Variants in PCDH9 observed in about 807,000 individuals in gnomAD.
PCDH9 encodes protocadherin-9.
Under a neutral mutation model 70.6 loss-of-function variants are expected in PCDH9, and 24 were observed. The observed-to-expected ratio is 0.34, with a 90% confidence interval of 0.25 to 0.48. PCDH9 has a LOEUF of 0.48. PCDH9 is among the 20% of genes least tolerant of loss of function. The pLI is 0.99. For synonymous variants in PCDH9, 562 were observed against 558.5 expected, an observed-to-expected ratio of 1.01 and a Z score of -0.09; for missense variants, 1,281 against 1,503.6, an observed-to-expected ratio of 0.85 and a Z score of 2.45.
At chr13:66,349,450 T>C (rs1394698751) in intron 4 of PCDH9, among the ~76,000 whole-genome samples, 2 of 152,184 alleles carry the variant, frequency 1.3e-5, no homozygotes, top group Non-Finnish European at 2.9e-5. Flanking sequence ...CCTCCCACTT[T>C]ATATCGGAGT....
intron 4 of PCDH9, among the ~76,000 whole-genome samples, chr13:66,533,917 T>A (rs1960577262): frequency 6.6e-6 from 1 of 152,146 alleles, no homozygotes; most frequent in South Asian, 2.1e-4. Context: ...ATGAGTTGAC[T>A]TTTTTTGTTC....
intron 4 of PCDH9, among the ~76,000 whole-genome samples, chr13:66,489,434 C>G (rs1468818389): frequency 6.6e-6 from 1 of 152,128 alleles, no homozygotes; most frequent in Non-Finnish European, 1.5e-5. Context: ...CCTCAGCTTC[C>G]TGAGTAGCTG....
intron 4 of PCDH9, among the ~76,000 whole-genome samples, chr13:66,568,145 T>G (rs886659407): frequency 6.6e-6 from 1 of 152,104 alleles, no homozygotes; most frequent in Non-Finnish European, 1.5e-5. Context: ...CTGATAGGGT[T>G]GGTTCTCCTA....
At chr13:67,038,186 GA>G (rs1408220258) in intron 2 of PCDH9, among the ~76,000 whole-genome samples, 1 of 152,138 alleles carries the variant, frequency 6.6e-6, no homozygotes, top group African/African-American at 2.4e-5. Flanking sequence ...ACTAGAGACA[GA>G]AATCACAAAT....
rs190757051 is a variant in PCDH9 at position 66,491,571 on chromosome 13, G to A, written c.3340+139639C>T. 9.2e-4 allele frequency among the ~76,000 whole-genome samples: 140 copies of A among 152,132 alleles called. 2 individuals are homozygous for A. The highest frequency in any genetic ancestry group is 3.2e-3 in the African/African-American group (134 of 41,508). On this transcript the variant is annotated intron_variant, in intron 4 of 4. Transcript: ENST00000377865. ...AAGCTGATTATCTTCTCTTTAGTTCGTATACTTTCCACAAAGTAGCTGGCA... is the reference window on the plus strand; with the variant it reads ...AAGCTGATTATCTTCTCTTTAGTTCATATACTTTCCACAAAGTAGCTGGCA...
chr13:66,424,245 TA>T (rs1327448127), intron 4 of PCDH9, among the ~76,000 whole-genome samples: 5 of 152,148 alleles, frequency 3.3e-5, no homozygotes, highest in Non-Finnish European at 7.4e-5. Context: ...AAAATGGCCA[TA>T]CTGCCCAGAG....
intron 3 of PCDH9, among the ~76,000 whole-genome samples, chr13:66,897,649 A>G (rs1231888462): frequency 6.6e-6 from 1 of 152,162 alleles, no homozygotes; most frequent in African/African-American, 2.4e-5. Context: ...ATACATAGGC[A>G]TTAGACATGA....
chr13:66,758,952 T>C (rs960088511), intron 3 of PCDH9, among the ~76,000 whole-genome samples: 1 of 152,118 alleles, frequency 6.6e-6, no homozygotes, highest in Non-Finnish European at 1.5e-5. Flanking sequence ...TGTGTATTTC[T>C]GTGGCATTAA....
chr13:66,627,005 A>G (rs554291937), intron 4 of PCDH9, among the ~76,000 whole-genome samples: 2 of 150,156 alleles, frequency 1.3e-5, no homozygotes, highest in South Asian at 2.1e-4. Context: ...GCAATAACCT[A>G]TATTAAAGCC....
At chr13:66,618,174 G>C (rs1385331451) in intron 4 of PCDH9, among the ~76,000 whole-genome samples, 1 of 152,090 alleles carries the variant, frequency 6.6e-6, no homozygotes, top group African/African-American at 2.4e-5. Flanking sequence ...ATAAAACCCT[G>C]TCTGACTCAA....
intron 3 of PCDH9, among the ~76,000 whole-genome samples, chr13:66,728,280 T>G (rs1187469745): frequency 6.6e-6 from 1 of 152,160 alleles, no homozygotes; most frequent in Non-Finnish European, 1.5e-5. Flanking sequence ...CTAATAAACT[T>G]CCTTTGTACA....
At chr13:66,962,751 T>G (rs1365638043) in intron 2 of PCDH9, among the ~76,000 whole-genome samples, 5 of 152,176 alleles carry the variant, frequency 3.3e-5, no homozygotes. Flanking sequence ...TCCCTTTTAT[T>G]TATAATGCAT....
chr13:66,949,792 G>T (rs948745442), intron 2 of PCDH9, among the ~76,000 whole-genome samples: 3 of 152,040 alleles, frequency 2.0e-5, no homozygotes, highest in Non-Finnish European at 4.4e-5. Flanking sequence ...GCAGGAGAGA[G>T]AAGACCCTGA....
intron 2 of PCDH9, among the ~76,000 whole-genome samples, chr13:67,197,494 T>C (rs2089098984): frequency 6.6e-6 from 1 of 152,144 alleles, no homozygotes; most frequent in African/African-American, 2.4e-5. Context: ...CCAATAACTT[T>C]TTATTTGGTT....
At chr13:66,427,353 T>C (rs1566317021) in intron 4 of PCDH9, among the ~76,000 whole-genome samples, 1 of 151,796 alleles carries the variant, frequency 6.6e-6, no homozygotes, top group East Asian at 1.9e-4. Context: ...ATTATTTGAC[T>C]TATTAATAGG....
intron 4 of PCDH9, among the ~76,000 whole-genome samples, chr13:66,548,692 G>A (rs927421102): frequency 2.6e-5 from 4 of 151,986 alleles, no homozygotes; most frequent in African/African-American, 7.3e-5. Context: ...ACTTTAAAAG[G>A]CCTACATTTG....
chr13:66,389,744 C>T (rs1306252293), intron 4 of PCDH9, among the ~76,000 whole-genome samples: 1 of 152,122 alleles, frequency 6.6e-6, no homozygotes, highest in Admixed American at 6.6e-5. Context: ...TATTGATCTG[C>T]TTTGGCTTCC....
rs1013044776 is a variant in PCDH9 at position 66,866,610 on chromosome 13, A to T, written c.3138+36894T>A. On this transcript the variant is annotated intron_variant, in intron 3 of 4. Transcript: ENST00000377865. ...TCAGGAGTTCCAGACCAGCCTGGCCACTATGGCGAAACCCCATCTTTACTA... is the reference window on the plus strand; with the variant it reads ...TCAGGAGTTCCAGACCAGCCTGGCCTCTATGGCGAAACCCCATCTTTACTA... 3.3e-5 allele frequency among the ~76,000 whole-genome samples: 5 copies of T among 152,152 alleles called. No homozygotes were observed. In the South Asian group the frequency reaches 8.3e-4, roughly 25 times the overall value.
rs549297075 is a variant in PCDH9, at chr13:66,517,974, G to A, written c.3340+113236C>T. Among the ~76,000 whole-genome samples the A allele has an allele frequency of 8.5e-5, 13 of 152,142 alleles. No individual in the cohort carries two copies. In the East Asian group the frequency reaches 2.5e-3, roughly 29 times the overall value. On this transcript the variant is annotated intron_variant, in intron 4 of 4. Coordinates refer to ENST00000377865, the MANE Select transcript of PCDH9 (RefSeq NM_203487.3). ...AATGGACATGTTCTATCCATCCCGT[G>A]TTAGTTCATTCCTGCATTGCTATAA...
Sources: gnomAD v4.1 joint callset for allele counts (sites outside exome capture counted in the v4.1 genomes callset) on GRCh38, gnomAD v4.1.1 for gene constraint, MANE v1.5 for transcripts, NCBI Gene and HGNC (gene_info 2026-07-23, HGNC 2026-07-21) for gene names.